Variants in DZIP3 observed in about 807,000 individuals in gnomAD.
The protein encoded by DZIP3 is E3 ubiquitin-protein ligase DZIP3.
Under a neutral mutation model 162.0 loss-of-function variants are expected in DZIP3, and 118 were observed. That is an observed-to-expected ratio of 0.73 (90% CI 0.63 to 0.85). The LOEUF is 0.85. Among genes scored for constraint, DZIP3 ranks in the 40% least tolerant of loss-of-function variants. The pLI, the probability that DZIP3 is intolerant of heterozygous loss-of-function variation, is 0.00. For missense variants in DZIP3, 1,331 were observed against 1,407.0 expected (o/e 0.95, Z 0.86); for synonymous variants, 438 against 458.6 (o/e 0.96, Z 0.57).
intron 31 of DZIP3, among the ~76,000 whole-genome samples, chr3:108,690,367 C>G (rs1273844753): frequency 1.3e-5 from 2 of 152,146 alleles, no homozygotes; most frequent in Non-Finnish European, 2.9e-5. Context: ...TATTCATGAT[C>G]TAGGGATTTT....
chr3:108,636,572 A>G, intron 10 of DZIP3, 44 bp from the exon 11 acceptor site: 1 of 1,109,956 alleles, frequency 9.0e-7, no homozygotes, highest in Non-Finnish European at 1.2e-6. Context: ...TTTGCACATC[A>G]GTGATTTTTT....
intron 22 of DZIP3, among the ~76,000 whole-genome samples, chr3:108,670,375 T>C (rs775720384): frequency 1.6e-4 from 25 of 151,950 alleles, no homozygotes; most frequent in Non-Finnish European, 5.9e-5. Flanking sequence ...ACATTTCATA[T>C]AAATTGGATC....
intron 14 of DZIP3, among the ~76,000 whole-genome samples, chr3:108,645,482 T>C (rs939891149): frequency 6.6e-6 from 1 of 152,186 alleles, no homozygotes; most frequent in Non-Finnish European, 1.5e-5. Context: ...ACTCCCAAAC[T>C]TGTCTATTGA....
chr3:108,624,801 C>T (rs1941519079), intron 6 of DZIP3, among the ~76,000 whole-genome samples: 1 of 152,016 alleles, frequency 6.6e-6, no homozygotes, highest in African/African-American at 2.4e-5. Context: ...AATTGTACCT[C>T]AAATTATTTG....
intron 27 of DZIP3, 60 bp from the exon 28 acceptor site, chr3:108,686,385 A>G: frequency 7.0e-7 from 1 of 1,438,268 alleles, no homozygotes; most frequent in Non-Finnish European, 9.2e-7. Flanking sequence ...TTTCTGAGGT[A>G]TAGGAATGTC....
rs1397321029 is a variant in DZIP3 at position 108,646,606 on chromosome 3, A to G, written c.1760-11A>G. On this transcript the variant is annotated splice_polypyrimidine_tract_variant and intron_variant, in intron 14 of 32. Transcript: ENST00000361582. ...AATTGTACATCTAAAATTTTTCTTT[A>G]TGTATTATAGGAATTGCTCTACAGT... 6.3e-7 allele frequency: 1 copy of G among 1,578,024 alleles called. No homozygotes were observed. The highest frequency in any genetic ancestry group is 8.7e-7 in the Non-Finnish European group (1 of 1,155,548).
intron 4 of DZIP3, among the ~76,000 whole-genome samples, chr3:108,611,959 G>A (rs1261384501): frequency 1.1e-5 from 1 of 89,690 alleles, no homozygotes; most frequent in Non-Finnish European, 2.2e-5. Context: ...GCAACACTCT[G>A]TCTCAAAAAA....
chr3:108,662,094 A>C, intron 20 of DZIP3, 36 bp from the exon 21 acceptor site: 1 of 1,575,530 alleles, frequency 6.3e-7, no homozygotes, highest in African/African-American at 1.4e-5. Context: ...GGTGACTTGA[A>C]CATAATTATC....
intron 1 of DZIP3, among the ~76,000 whole-genome samples, chr3:108,590,691 A>G (rs1281344171): frequency 6.6e-6 from 1 of 152,246 alleles, no homozygotes; most frequent in Non-Finnish European, 1.5e-5. Context: ...GAGAGGCACC[A>G]TGCAGTAACA....
In DZIP3 at chr3:108,636,648, A is replaced by G; in HGVS notation, c.951A>G (p.Gly317=). Residue 317 remains glycine (G), a synonymous_variant, in exon 11 of 33, where the codon GGA becomes GGG. Transcript: ENST00000361582. The stretch of plus-strand genomic sequence containing the variant: ...GTGGGAAAAAATGTTTGAAGGAAGG[A>G]TGTACAGGTGACATGGTAAGGATGC... ...SFSGKKCLKE[G]CTGDMVRMLQ... The G allele has an allele frequency of 6.3e-7, 1 of 1,578,368 alleles. No individual in the cohort carries two copies. Among genetic ancestry groups the G allele is most frequent in the Non-Finnish European group, 8.6e-7 (1 of 1,168,410 alleles).
intron 11 of DZIP3, 27 bp from the exon 12 acceptor site, chr3:108,637,469 G>A: frequency 2.5e-6 from 4 of 1,605,200 alleles, no homozygotes; most frequent in Non-Finnish European, 3.4e-6. Context: ...CTACTTTAGG[G>A]CTATTTTTTT....
intron 21 of DZIP3, among the ~76,000 whole-genome samples, chr3:108,667,364 A>T (rs1163877044): frequency 2.0e-5 from 3 of 152,178 alleles, no homozygotes; most frequent in Non-Finnish European, 4.4e-5. Context: ...ACATCAGAAG[A>T]TTATGCTGAT....
intron 1 of DZIP3, among the ~76,000 whole-genome samples, chr3:108,601,726 A>G (rs184370076): frequency 4.6e-5 from 7 of 152,276 alleles, no homozygotes. Context: ...GTTTTTGGAT[A>G]AACATAGAGA....
chr3:108,665,189 A>G (rs1054059994), intron 21 of DZIP3, among the ~76,000 whole-genome samples: 2 of 152,234 alleles, frequency 1.3e-5, no homozygotes, highest in African/African-American at 4.8e-5. Context: ...CAAAGATTTT[A>G]AAGCAACCAT....
chr3:108,658,404 G>A (rs537497357), intron 19 of DZIP3, among the ~76,000 whole-genome samples: 262 of 152,018 alleles, frequency 1.7e-3, no homozygotes, highest in Middle Eastern at 0.01. Context: ...GGTACATAAC[G>A]AAATGAAGGC....
At chr3:108,622,466 C>T (rs1941396647) in intron 5 of DZIP3, among the ~76,000 whole-genome samples, 1 of 152,142 alleles carries the variant, frequency 6.6e-6, no homozygotes, top group Admixed American at 6.5e-5. Flanking sequence ...CTGGGATTGG[C>T]AACTGGTGCC....
chr3:108,605,587 G>A, intron 2 of DZIP3, 149 bp downstream of exon 2: 3 of 733,294 alleles, frequency 4.1e-6, no homozygotes, highest in Non-Finnish European at 6.7e-6. Flanking sequence ...CAAGGAGTGG[G>A]CAACTTAGAT....
At chr3:108,688,311 C>T (rs573341872) in intron 29 of DZIP3, among the ~76,000 whole-genome samples, 1 of 152,138 alleles carries the variant, frequency 6.6e-6, no homozygotes, top group South Asian at 2.1e-4. Context: ...TAAAACTGAC[C>T]TCCTTGAAAT....
chr3:108,665,821 A>T (rs1943649478), intron 21 of DZIP3, among the ~76,000 whole-genome samples: 1 of 152,210 alleles, frequency 6.6e-6, no homozygotes, highest in Admixed American at 6.5e-5. Context: ...TTACCGAAAG[A>T]AAAGAGCAGA....
Sources: gnomAD v4.1 joint callset for allele counts (sites outside exome capture counted in the v4.1 genomes callset) on GRCh38, gnomAD v4.1.1 for gene constraint, MANE v1.5 for transcripts, NCBI Gene and HGNC (gene_info 2026-07-23, HGNC 2026-07-21) for gene names.